The following ZNF281 variants were observed in gnomAD, a reference collection of about 807,000 sequenced individuals.
ZNF281 encodes the protein GC-box-binding zinc finger protein 1.
A neutral mutation model predicts 58.8 loss-of-function variants in ZNF281; 2 were observed. The observed-to-expected ratio is 0.03, with a 90% CI of 0.01 to 0.11. The LOEUF (loss-of-function observed/expected upper bound fraction) is 0.11, where lower values mean the gene tolerates loss of function less well. Ranked by LOEUF, ZNF281 falls within the 10% of genes least tolerant of loss-of-function variation. The pLI is 1.00. For missense variants in ZNF281, 975 were observed against 1,090.7 expected (o/e 0.89, Z 1.49); for synonymous variants, 465 against 407.7 (o/e 1.14, Z -1.69).
At chr1:200,409,891 G>T in intron 1 of ZNF281, 55 bp downstream of exon 1, 1 of 888,750 alleles carries the variant, frequency 1.1e-6, no homozygotes, top group Non-Finnish European at 1.7e-6. Context: ...GCATGGTCCT[G>T]CGACTCTTCC....
Position 200,407,667 on chromosome 1 carries a change from G to A in ZNF281, c.2039C>T (p.Thr680Ile). ...KYLQQAFEKS[T>I]NASFTLGHGF... The stretch of plus-strand genomic sequence containing the variant: ...GTGTCCAAGAGTAAAACTTGCATTA[G>A]TGGATTTTTCAAAAGCCTGTTGGAG... The change falls in exon 2 of 2, where the codon ACT (threonine) becomes ATT (isoleucine). Residue 680 changes from threonine to isoleucine, a missense_variant. Physicochemically the swap from Thr to Ile is moderately conservative, Grantham distance 89 (BLOSUM62 -1). Transcript: ENST00000367353. 6.2e-7 allele frequency: 1 copy of A among 1,614,210 alleles called. No individual in the cohort carries two copies. The highest frequency in any genetic ancestry group is 8.5e-7 in the Non-Finnish European group (1 of 1,180,026).
rs1654416358 is a variant in ZNF281, at chr1:200,405,086, AGCTTAAGAGAT to A, written c.*1921_*1931del. ...AAAACAAACTGGAGAAAAATCATAC[AGCTTAAGAGAT>A]ACAGTGGTAAAGGTCCTCTCCATCC... On this transcript the variant is annotated 3_prime_UTR_variant, in exon 2 of 2. Coordinates refer to ENST00000367353, the MANE Select transcript of ZNF281 (RefSeq NM_001281293.2). 1.3e-5 allele frequency: 2 copies of A among 152,790 alleles called. No individual in the cohort carries two copies. The highest frequency in any genetic ancestry group is 4.1e-4 in the South Asian group (2 of 4,830). 9.5% of individuals were successfully genotyped at this position (152,790 alleles called of 1,614,324 possible). A position where few individuals can be genotyped will look rare whatever the true frequency, so the allele number is the denominator to read the frequency against.
chr1:200,405,694 C>T lies in ZNF281; in HGVS notation c.*1324G>A, dbSNP rs1654429637. 1 of 152,180 alleles carries T rather than the reference C, an allele frequency of 6.6e-6. No homozygotes were observed. Among genetic ancestry groups the T allele is most frequent in the Admixed American group, 6.5e-5 (1 of 15,278 alleles). 9.4% of individuals were successfully genotyped at this position (152,180 alleles called of 1,614,324 possible). ...CCTGTACAATACTAATGCACCCTTT[C>T]ATTAAAATGTACATTAAAGGCCGCA... On this transcript the variant is annotated 3_prime_UTR_variant, in exon 2 of 2. Coordinates refer to ENST00000367353, the MANE Select transcript of ZNF281 (RefSeq NM_001281293.2).
In ZNF281 at chr1:200,409,190, G is replaced by A. The variant is rs1416662458; in HGVS notation, c.516C>T (p.Gly172=). The change falls in exon 2 of 2, where the codon GGC becomes GGT. Residue 172 remains glycine, a synonymous_variant. Transcript: ENST00000367353. ...GLGGGEGGSH[G]VIQDLSILHQ... Reference sequence around the variant, plus strand: ...GGAGAATACTGAGGTCCTGGATGACGCCGTGACTCCCCCCTTCACCGCCTC... The same window carrying A: ...GGAGAATACTGAGGTCCTGGATGACACCGTGACTCCCCCCTTCACCGCCTC... The A allele has an allele frequency of 6.2e-7, 1 of 1,613,986 alleles. No individual in the cohort carries two copies. Among genetic ancestry groups the A allele is most frequent in the Admixed American group, 1.7e-5 (1 of 60,000 alleles).
In ZNF281 at chr1:200,408,385, T is replaced by C. The variant is rs373722901; in HGVS notation, c.1321A>G (p.Met441Val). Residue 441 changes from methionine to valine, a missense_variant, in exon 2 of 2, where the codon ATG becomes GTG. By Grantham distance (21) the Met-to-Val change is conservative. Transcript: ENST00000367353. ...CCTCCACTGGAAGACACGGTAGGCA[T>C]TTCTACTGAGTAACTCTGCATGTTT... The part of the protein sequence containing the change: ...NINMQSYSVE[M>V]PTVSSSGGII... 37 of 1,614,088 alleles carry C rather than the reference T, an allele frequency of 2.3e-5. No individual in the cohort carries two copies. The highest frequency in any genetic ancestry group is 8.3e-5 in the Admixed American group (5 of 60,014).
In ZNF281 at chr1:200,405,819, T is replaced by G. The variant is rs1224769174; in HGVS notation, c.*1199A>C. On this transcript the variant is annotated 3_prime_UTR_variant, in exon 2 of 2. Transcript: ENST00000367353. The stretch of plus-strand genomic sequence containing the variant: ...TTGGAATTACAACCTTATTAATATC[T>G]ATCCAAGAACACGGGGTTTTATTAC... 1 of 151,982 alleles carries G rather than the reference T, an allele frequency of 6.6e-6. No individual in the cohort carries two copies. Among genetic ancestry groups the G allele is most frequent in the Non-Finnish European group, 1.5e-5 (1 of 68,000 alleles). The allele number at this position is 151,982 out of a possible 1,614,324, so 9.4% of individuals were successfully genotyped here. A position where few individuals can be genotyped will look rare whatever the true frequency, so the allele number is the denominator to read the frequency against.
rs149361792 is a variant in ZNF281 at position 200,408,446 on chromosome 1, G to A, written c.1260C>T (p.Thr420=). Residue 420 remains threonine, a synonymous_variant, in exon 2 of 2, where the codon ACC becomes ACT. Transcript: ENST00000367353. ...SIAIENKEQK[T]GKTNESQISN... Reference sequence around the variant, plus strand: ...AAATTTGCGATTCATTTGTTTTACCGGTCTTCTGTTCCTTATTTTCAATAG... The same window carrying A: ...AAATTTGCGATTCATTTGTTTTACCAGTCTTCTGTTCCTTATTTTCAATAG... 4.3e-6 allele frequency: 7 copies of A among 1,613,890 alleles called. No individual in the cohort carries two copies. The highest frequency in any genetic ancestry group is 2.2e-5 in the East Asian group (1 of 44,894).
rs1654451697 is a variant in ZNF281, at chr1:200,406,438, G to C, written c.*580C>G. The C allele has an allele frequency of 1.3e-5, 2 of 152,560 alleles. No individual in the cohort carries two copies. The highest frequency in any genetic ancestry group is 4.1e-4 in the South Asian group (2 of 4,832). The allele number at this position is 152,560 out of a possible 1,614,324, so 9.5% of individuals were successfully genotyped here. A position where few individuals can be genotyped will look rare whatever the true frequency, so the allele number is the denominator to read the frequency against. On this transcript the variant is annotated 3_prime_UTR_variant, in exon 2 of 2. Coordinates refer to ENST00000367353, the MANE Select transcript of ZNF281 (RefSeq NM_001281293.2). The stretch of plus-strand genomic sequence containing the variant: ...GGTAGCCAACAATCTCAGAATTTTG[G>C]ATCAGCCCAGATGGAGATAGCAATT...
In ZNF281 at chr1:200,405,480, T is replaced by C; in HGVS notation, c.*1538A>G. On this transcript the variant is annotated 3_prime_UTR_variant, in exon 2 of 2. Coordinates refer to ENST00000367353, the MANE Select transcript of ZNF281 (RefSeq NM_001281293.2). The stretch of plus-strand genomic sequence containing the variant: ...TGGTACTTTTCTGACGTCAGAAGAG[T>C]ACATAAGACTGAAACATCACCAAAA... 6.6e-6 allele frequency: 1 copy of C among 151,910 alleles called. No individual in the cohort carries two copies. The highest frequency in any genetic ancestry group is 1.9e-4 in the East Asian group (1 of 5,192). The allele number at this position is 151,910 out of a possible 1,614,324, so 9.4% of individuals were successfully genotyped here. A position where few individuals can be genotyped will look rare whatever the true frequency, so the allele number is the denominator to read the frequency against.
chr1:200,408,964 C>T lies in ZNF281; in HGVS notation c.742G>A (p.Asp248Asn). The change falls in exon 2 of 2, where the codon GAT (aspartate) becomes AAT (asparagine). Residue 248 changes from aspartate (D) to asparagine (N), a missense_variant. Physicochemically the swap from Asp to Asn is conservative, Grantham distance 23. This residue lies in a region of ZNF281 where 370 missense variants were observed against 360.9 expected (regional missense o/e 1.03). Transcript: ENST00000367353. ...SASSKPSLVGDGEGAILSPSQ... is the reference protein window; with the variant it reads ...SASSKPSLVGNGEGAILSPSQ... ...GGGGAGAGGATGGCACCTTCTCCAT[C>T]TCCAACCAAAGAAGGTTTGGAAGAT... The T allele has an allele frequency of 1.2e-6, 2 of 1,614,256 alleles. No homozygotes were observed. Among genetic ancestry groups the T allele is most frequent in the Non-Finnish European group, 1.7e-6 (2 of 1,180,046 alleles).
At position 200,408,522 on chromosome 1, in the gene ZNF281, G is replaced by C; in HGVS notation, c.1184C>G (p.Ser395Cys). Residue 395 changes from serine (S) to cysteine (C), a missense_variant, in exon 2 of 2, where the codon TCT (serine) becomes TGT (cysteine). By Grantham distance (112) the Ser-to-Cys change is moderately radical. This residue lies in a region of ZNF281 where 579 missense variants were observed against 608.9 expected (regional missense o/e 0.95). Coordinates refer to ENST00000367353, the MANE Select transcript of ZNF281 (RefSeq NM_001281293.2). Reference protein sequence around the residue: ...HTNMGNLAVLSQGNTSSSRRK... With the variant: ...HTNMGNLAVLCQGNTSSSRRK... The stretch of plus-strand genomic sequence containing the variant: ...CCTTGAAGAACTTGTATTTCCCTGA[G>C]ACAACACAGCCAGATTACCCATATT... 1 of 1,614,126 alleles carries C rather than the reference G, an allele frequency of 6.2e-7. No homozygotes were observed. Among genetic ancestry groups the C allele is most frequent in the South Asian group, 1.1e-5 (1 of 91,070 alleles).
At position 200,410,035 on chromosome 1, in the gene ZNF281, C is replaced by T. The variant is rs532398537; in HGVS notation, c.-108G>A. On this transcript the variant is annotated 5_prime_UTR_variant, in exon 1 of 2. Transcript: ENST00000367353. Reference sequence around the variant, plus strand: ...AATGGAATTAAAAGCCTCCCGTGTACTGCGCAGCCGCGGCGCAGTGTCTGC... The same window carrying T: ...AATGGAATTAAAAGCCTCCCGTGTATTGCGCAGCCGCGGCGCAGTGTCTGC... 16 of 424,012 alleles carry T rather than the reference C, an allele frequency of 3.8e-5. 1 individual carries two copies. The South Asian group carries it at 4.2e-4, about 11-fold the overall frequency. 26.3% of individuals were successfully genotyped at this position (424,012 alleles called of 1,614,324 possible). A position where few individuals can be genotyped will look rare whatever the true frequency, so the allele number is the denominator to read the frequency against.
chr1:200,407,184 GACTTA>G lies in ZNF281; in HGVS notation c.2517_2521del (p.Lys840GlyfsTer11), dbSNP rs1158971120. On this transcript the variant is annotated frameshift_variant, in exon 2 of 2. Coordinates refer to ENST00000367353, the MANE Select transcript of ZNF281 (RefSeq NM_001281293.2). LOFTEE classifies it high-confidence loss of function. ...AAAGGTCATTGGCACCCTGCTGCCC[GACTTA>G]AACTGAGAACCAAACGCTTGTGCAA... The G allele has an allele frequency of 5.0e-6, 8 of 1,614,072 alleles. No homozygotes were observed. Among genetic ancestry groups the G allele is most frequent in the African/African-American group, 2.7e-5 (2 of 74,930 alleles).
chr1:200,407,835 T>C lies in ZNF281; in HGVS notation c.1871A>G (p.Asp624Gly). Reference protein sequence around the residue: ...YSNKSESQKEDPFNIAEPRVD... With the variant: ...YSNKSESQKEGPFNIAEPRVD... The stretch of plus-strand genomic sequence containing the variant: ...TCGTGGTTCTGCAATATTGAAAGGA[T>C]CCTCTTTCTGGCTTTCTGATTTGTT... The change falls in exon 2 of 2, where the codon GAT (aspartate) becomes GGT (glycine). Residue 624 changes from aspartate to glycine, a missense_variant. Physicochemically the swap from Asp to Gly is moderately conservative, Grantham distance 94. Coordinates refer to ENST00000367353, the MANE Select transcript of ZNF281 (RefSeq NM_001281293.2). The C allele has an allele frequency of 6.2e-7, 1 of 1,614,144 alleles. No homozygotes were observed. The highest frequency in any genetic ancestry group is 8.5e-7 in the Non-Finnish European group (1 of 1,180,034).
chr1:200,408,135 T>C lies in ZNF281; in HGVS notation c.1571A>G (p.Gln524Arg), dbSNP rs1257232991. The change falls in exon 2 of 2, where the codon CAA becomes CGA. Residue 524 changes from glutamine to arginine, a missense_variant. This residue lies in a region of ZNF281 where 579 missense variants were observed against 608.9 expected (regional missense o/e 0.95). Transcript: ENST00000367353. Reference sequence around the variant, plus strand: ...ATCATAATTACTACTTATCTGACCTTGTTTGCCACTTGTACTTTGGAGAAG... The same window carrying C: ...ATCATAATTACTACTTATCTGACCTCGTTTGCCACTTGTACTTTGGAGAAG... ...IGLLQSTSGKQGQISSNYDDA... is the reference protein window; with the variant it reads ...IGLLQSTSGKRGQISSNYDDA... 1 of 1,614,170 alleles carries C rather than the reference T, an allele frequency of 6.2e-7. No individual in the cohort carries two copies. The highest frequency in any genetic ancestry group is 2.2e-5 in the East Asian group (1 of 44,888).
Position 200,406,207 on chromosome 1 carries a change from A to G in ZNF281, c.*811T>C, listed in dbSNP as rs1271657108. 1 of 152,528 alleles carries G rather than the reference A, an allele frequency of 6.6e-6. No individual in the cohort carries two copies. Among genetic ancestry groups the G allele is most frequent in the Non-Finnish European group, 1.5e-5 (1 of 68,012 alleles). 9.4% of individuals were successfully genotyped at this position (152,528 alleles called of 1,614,324 possible). A position where few individuals can be genotyped will look rare whatever the true frequency, so the allele number is the denominator to read the frequency against. On this transcript the variant is annotated 3_prime_UTR_variant, in exon 2 of 2. Transcript: ENST00000367353. Reference sequence around the variant, plus strand: ...ACCAGCCAACCACTTGGGCTTCAACACTGTACTAGATGTCAGTAGAATCGC... The same window carrying G: ...ACCAGCCAACCACTTGGGCTTCAACGCTGTACTAGATGTCAGTAGAATCGC...
intron 1 of ZNF281, 90 bp downstream of exon 1, chr1:200,409,856 G>T: frequency 1.7e-6 from 2 of 1,206,852 alleles, no homozygotes; most frequent in Non-Finnish European, 2.2e-6. Context: ...CTAATTCCCA[G>T]CCCAGTCGCC....
rs1430162562 is a variant in ZNF281 at position 200,409,458 on chromosome 1, G to A, written c.248C>T (p.Ser83Phe). 2.0e-6 allele frequency: 3 copies of A among 1,538,390 alleles called. No homozygotes were observed. The highest frequency in any genetic ancestry group is 2.7e-5 in the African/African-American group (2 of 72,810). ...GGGGGGCTCAGCGGCCGGGGCTGCGGAGGTAGAGGAGGATAACACGCATTG... is the reference window on the plus strand; with the variant it reads ...GGGGGGCTCAGCGGCCGGGGCTGCGAAGGTAGAGGAGGATAACACGCATTG... ...PPQCVLSSSTSAAPAAEPPPP... is the reference protein window; with the variant it reads ...PPQCVLSSSTFAAPAAEPPPP... The change falls in exon 2 of 2, where the codon TCC becomes TTC. Residue 83 changes from serine (S) to phenylalanine (F), a missense_variant. Around this residue, in one of 3 missense-constraint regions of ZNF281, gnomAD observed 370 missense variants for 360.9 expected, o/e 1.03. Coordinates refer to ENST00000367353, the MANE Select transcript of ZNF281 (RefSeq NM_001281293.2).
Position 200,406,406 on chromosome 1 carries a change from A to G in ZNF281, c.*612T>C, listed in dbSNP as rs2102481576. ...CAGAGTACATTTAAAAGCTGCAACA[A>G]AATATAGGTAGCCAACAATCTCAGA... On this transcript the variant is annotated 3_prime_UTR_variant, in exon 2 of 2. Coordinates refer to ENST00000367353, the MANE Select transcript of ZNF281 (RefSeq NM_001281293.2). 1 of 152,748 alleles carries G rather than the reference A, an allele frequency of 6.5e-6. No homozygotes were observed. Among genetic ancestry groups the G allele is most frequent in the East Asian group, 1.9e-4 (1 of 5,194 alleles). The allele number at this position is 152,748 out of a possible 1,614,324, so 9.5% of individuals were successfully genotyped here. A position where few individuals can be genotyped will look rare whatever the true frequency, so the allele number is the denominator to read the frequency against.
Sources: gnomAD v4.1 joint callset for allele counts on GRCh38, gnomAD v4.1.1 for gene constraint, gnomAD v4.1.1 regional missense constraint, MANE v1.5 for transcripts, NCBI Gene and HGNC (gene_info 2026-07-23, HGNC 2026-07-21) for gene names.